FAF1: variants seen among roughly 807,000 people sequenced by gnomAD.
FAF1 encodes the protein Fas associated factor 1, also known as FAS-associated factor 1.
Under a neutral mutation model 92.5 loss-of-function variants are expected in FAF1, and 25 were observed. The ratio of observed to expected loss-of-function variants is 0.27; its 90% CI spans 0.20 to 0.38. The LOEUF (loss-of-function observed/expected upper bound fraction) is 0.38. Among genes scored for constraint, FAF1 ranks in the 10% least tolerant of loss-of-function variants. The probability of loss-of-function intolerance (pLI) is 1.00; values close to 1 mark genes in which losing one functional copy is unlikely to be tolerated. For synonymous variants in FAF1, 234 were observed against 273.2 expected (o/e 0.86, Z 1.42); for missense variants, 636 against 793.3 (o/e 0.80, Z 2.38).
chr1:50,940,565 CATT>C (rs1407670817), intron 1 of FAF1, among the ~76,000 whole-genome samples: 1 of 152,136 alleles, frequency 6.6e-6, no homozygotes, highest in African/African-American at 2.4e-5. Context: ...TGGTCTACAC[CATT>C]ATTTTTGTTT....
intron 8 of FAF1, among the ~76,000 whole-genome samples, chr1:50,621,452 T>C (rs1390284733): frequency 1.5e-5 from 2 of 136,772 alleles, no homozygotes; most frequent in African/African-American, 5.7e-5. Flanking sequence ...CAAGCTGGAG[T>C]GTAGTGGCGG....
At chr1:50,571,195 A>G (rs1650421575) in intron 12 of FAF1, among the ~76,000 whole-genome samples, 2 of 152,198 alleles carry the variant, frequency 1.3e-5, no homozygotes, top group Admixed American at 1.3e-4. Context: ...TAAAAAGAAT[A>G]TATTTTATTT....
intron 18 of FAF1, among the ~76,000 whole-genome samples, chr1:50,445,349 T>C (rs2148975091): frequency 6.6e-6 from 1 of 152,296 alleles, no homozygotes; most frequent in South Asian, 2.1e-4. Flanking sequence ...AATTGAGCCC[T>C]GGAGCAGATT....
chr1:50,559,524 C>T (rs1649768995), intron 13 of FAF1, among the ~76,000 whole-genome samples: 1 of 152,206 alleles, frequency 6.6e-6, no homozygotes, highest in Non-Finnish European at 1.5e-5. Context: ...TCATTAGATG[C>T]TGCCCTTGCC....
chr1:50,735,959 T>C (rs930060755), intron 6 of FAF1, among the ~76,000 whole-genome samples: 3 of 152,148 alleles, frequency 2.0e-5, no homozygotes, highest in Admixed American at 1.3e-4. Context: ...TGTCAAGTGA[T>C]CCTCCCACCT....
intron 10 of FAF1, 37 bp downstream of exon 10, chr1:50,584,648 A>G (rs756315303): frequency 6.3e-7 from 1 of 1,598,454 alleles, no homozygotes; most frequent in South Asian, 1.1e-5. Flanking sequence ...AGAAGAAAGA[A>G]TTCTATTGCT....
chr1:50,582,568 T>C lies in FAF1; in HGVS notation c.1113+50A>G, dbSNP rs1170956615. The C allele has an allele frequency of 9.1e-6, 11 of 1,208,502 alleles. No individual in the cohort carries two copies. In the East Asian group the frequency reaches 2.3e-4, roughly 26 times the overall value. 74.9% of individuals were successfully genotyped at this position (1,208,502 alleles called of 1,614,324 possible). A position where few individuals can be genotyped will look rare whatever the true frequency, so the allele number is the denominator to read the frequency against. On this transcript the variant is annotated intron_variant, in intron 12 of 18. Transcript: ENST00000396153. Reference sequence around the variant, plus strand: ...TTAAGCATTGCCTCAGCCCTAGTGGTAAACCTGTGGGATGCACTTTTTAAT... The same window carrying C: ...TTAAGCATTGCCTCAGCCCTAGTGGCAAACCTGTGGGATGCACTTTTTAAT...
intron 8 of FAF1, among the ~76,000 whole-genome samples, chr1:50,622,037 G>A (rs1254463408): frequency 2.0e-5 from 3 of 151,904 alleles, no homozygotes; most frequent in Admixed American, 6.6e-5. Context: ...ATGGTGGCAG[G>A]TGCCTGTAAT....
intron 1 of FAF1, among the ~76,000 whole-genome samples, chr1:50,930,128 A>C (rs1051442175): frequency 2.6e-5 from 4 of 152,194 alleles, no homozygotes; most frequent in Non-Finnish European, 4.4e-5. Context: ...GCATTTCAAG[A>C]GAGGGATATC....
intron 7 of FAF1, among the ~76,000 whole-genome samples, chr1:50,674,164 G>A (rs1385066577): frequency 2.0e-5 from 3 of 152,220 alleles, no homozygotes; most frequent in Non-Finnish European, 1.5e-5. Context: ...TGTTGGTCAG[G>A]TTGGTCTCGA....
At chr1:50,621,442 C>G (rs994810319) in intron 8 of FAF1, among the ~76,000 whole-genome samples, 11 of 141,932 alleles carry the variant, frequency 7.8e-5, no homozygotes, top group African/African-American at 3.0e-4. Context: ...CTCTGTAGCC[C>G]AAGCTGGAGT....
At chr1:50,484,282 A>C (rs1646735880) in intron 17 of FAF1, among the ~76,000 whole-genome samples, 1 of 152,160 alleles carries the variant, frequency 6.6e-6, no homozygotes, top group African/African-American at 2.4e-5. Context: ...CATATTTCCT[A>C]AATCAAAATT....
intron 4 of FAF1, among the ~76,000 whole-genome samples, chr1:50,778,338 G>A (rs953037408): frequency 6.6e-6 from 1 of 152,078 alleles, no homozygotes; most frequent in Non-Finnish European, 1.5e-5. Flanking sequence ...GGTGGTGGTG[G>A]TTCCAAGGGT....
intron 2 of FAF1, among the ~76,000 whole-genome samples, chr1:50,803,986 G>A (rs958559249): frequency 2.6e-5 from 4 of 152,090 alleles, no homozygotes; most frequent in African/African-American, 9.7e-5. Flanking sequence ...TTTGATCTAT[G>A]CTTCAAACAA....
chr1:50,572,461 A>C (rs768968856), intron 12 of FAF1, among the ~76,000 whole-genome samples: 10 of 152,290 alleles, frequency 6.6e-5, no homozygotes, highest in Middle Eastern at 6.8e-3. Flanking sequence ...TGTTTTATTT[A>C]TTGTTTTAAA....
intron 16 of FAF1, among the ~76,000 whole-genome samples, chr1:50,490,944 G>A (rs1271571581): frequency 1.3e-5 from 2 of 151,932 alleles, no homozygotes; most frequent in Non-Finnish European, 2.9e-5. Flanking sequence ...AGATCCTTCA[G>A]GACATCCTTT....
chr1:50,480,455 A>C (rs762018508), intron 17 of FAF1, among the ~76,000 whole-genome samples: 10 of 152,226 alleles, frequency 6.6e-5, no homozygotes, highest in Non-Finnish European at 8.8e-5. Context: ...CACAGTGTTA[A>C]ATAGGCTAAA....
At chr1:50,833,827 T>G (rs755654264) in intron 2 of FAF1, among the ~76,000 whole-genome samples, 9 of 152,262 alleles carry the variant, frequency 5.9e-5, no homozygotes. Flanking sequence ...ATACCACATC[T>G]GCCCTTACCA....
At chr1:50,940,830 C>T (rs1363296504) in intron 1 of FAF1, among the ~76,000 whole-genome samples, 1 of 152,144 alleles carries the variant, frequency 6.6e-6, no homozygotes, top group Admixed American at 6.5e-5. Context: ...TGAAGATAAG[C>T]AGTCAATAAG....
Sources: gnomAD v4.1 joint callset for allele counts (sites outside exome capture counted in the v4.1 genomes callset) on GRCh38, gnomAD v4.1.1 for gene constraint, MANE v1.5 for transcripts, NCBI Gene and HGNC (gene_info 2026-07-23, HGNC 2026-07-21) for gene names.